The following B4GALNT2 variants were observed in gnomAD, a reference collection of about 807,000 sequenced individuals.
The protein encoded by B4GALNT2 is beta-1,4-N-acetyl-galactosaminyltransferase 2 (SID blood group).
A neutral mutation model predicts 51.1 loss-of-function variants in B4GALNT2; 42 were observed. The ratio of observed to expected loss-of-function variants is 0.82; its 90% CI spans 0.64 to 1.06. The LOEUF is 1.06. Ranked by LOEUF, B4GALNT2 falls within the 50% of genes least tolerant of loss-of-function variation. The probability of loss-of-function intolerance (pLI) is 0.00; values close to 1 mark genes in which losing one functional copy is unlikely to be tolerated. For missense variants in B4GALNT2, 602 were observed against 633.6 expected (o/e 0.95, Z 0.54); for synonymous variants, 253 against 251.7 (o/e 1.01, Z -0.05).
In B4GALNT2 at chr17:49,145,995, G is replaced by A. The variant is rs376515559; in HGVS notation, c.353+3823G>A. Among the ~76,000 whole-genome samples the A allele has an allele frequency of 2.9e-3, 441 of 152,184 alleles. 4 individuals are homozygous for A. Among genetic ancestry groups the A allele is most frequent in the African/African-American group, 9.8e-3 (408 of 41,524 alleles). ...CTAGGCCAGCAGAACATAATGTTGC[G>A]GGAACAGGAAGCAAAAATTTTGCTA... On this transcript the variant is annotated intron_variant, in intron 3 of 10. Transcript: ENST00000393354.
chr17:49,146,702 T>C (rs1389404305), intron 3 of B4GALNT2, among the ~76,000 whole-genome samples: 1 of 152,208 alleles, frequency 6.6e-6, no homozygotes, highest in Non-Finnish European at 1.5e-5. Flanking sequence ...TCCTGTCTGA[T>C]TGAGGGCTCC....
chr17:49,127,019 T>C, the B4GALNT2 span, among the ~76,000 whole-genome samples: 7 of 152,200 alleles, frequency 4.6e-5, no homozygotes, highest in South Asian at 2.1e-4. Context: ...TGTACCTTTC[T>C]TGCATAAATT....
chr17:49,135,686 C>T (rs1000367171), intron 1 of B4GALNT2, among the ~76,000 whole-genome samples: 2 of 152,134 alleles, frequency 1.3e-5, no homozygotes, highest in African/African-American at 4.8e-5. Flanking sequence ...GTCCCAGCTA[C>T]TCAGAAAGCT....
chr17:49,133,193 T>G (rs2042556845), intron 1 of B4GALNT2: 2 of 1,504,256 alleles, frequency 1.3e-6, no homozygotes, highest in Non-Finnish European at 1.8e-6. Flanking sequence ...GCCCGTTTGC[T>G]GCCCACGGGA....
rs931496464 is a variant in B4GALNT2, at chr17:49,176,455, G to C, written c.*6727G>C. 4 of 149,268 alleles carry C rather than the reference G, an allele frequency of 2.7e-5. No homozygotes were observed. The highest frequency in any genetic ancestry group is 5.9e-5 in the Non-Finnish European group (4 of 67,586). The allele number at this position is 149,268 out of a possible 1,614,324, so 9.2% of individuals were successfully genotyped here. Reference sequence around the variant, plus strand: ...GGGATGGACTGAAACAAAGGGATGGGCTCTGGCTAGTTATCTGCCACGTCC... The same window carrying C: ...GGGATGGACTGAAACAAAGGGATGGCCTCTGGCTAGTTATCTGCCACGTCC... On this transcript the variant is annotated 3_prime_UTR_variant, in exon 11 of 11. Transcript: ENST00000393354.
chr17:49,161,248 C>T (rs955769207), intron 7 of B4GALNT2, among the ~76,000 whole-genome samples: 1 of 146,038 alleles, frequency 6.8e-6, no homozygotes, highest in Non-Finnish European at 1.5e-5. Context: ...GCACTCCAGC[C>T]TGGGCAACAG....
intron 5 of B4GALNT2, among the ~76,000 whole-genome samples, 176 bp from the exon 6 acceptor site, chr17:49,158,861 G>C (rs546090350): frequency 2.6e-5 from 4 of 152,242 alleles, no homozygotes; most frequent in African/African-American, 9.6e-5. Context: ...GGGGGCGGGG[G>C]CGCTAGCACA....
In B4GALNT2 at chr17:49,166,140, C is replaced by T; in HGVS notation, c.981C>T (p.Ala327=). 1 of 1,613,994 alleles carries T rather than the reference C, an allele frequency of 6.2e-7. No individual in the cohort carries two copies. The highest frequency in any genetic ancestry group is 1.1e-5 in the South Asian group (1 of 91,056). ...GKGWFAGRNL[A]ISQVTTKYVL... ...GTTGGTTTGCTGGTAGGAACCTGGC[C>T]ATATCTCAGGTCACCACCAAATACG... Residue 327 remains alanine (A), a synonymous_variant, in exon 9 of 11, where the codon GCC becomes GCT. Coordinates refer to ENST00000393354, the MANE Select transcript of B4GALNT2 (RefSeq NM_001159387.2).
chr17:49,123,442 T>A, the B4GALNT2 span, among the ~76,000 whole-genome samples: 1 of 152,230 alleles, frequency 6.6e-6, no homozygotes, highest in African/African-American at 2.4e-5. Context: ...TTGGCAACAC[T>A]AGAATTTAAT....
chr17:49,123,281 G>A, the B4GALNT2 span, among the ~76,000 whole-genome samples: 2,281 of 152,312 alleles, frequency 0.015, 84 homozygotes, highest in East Asian at 0.13. Flanking sequence ...ATTTCCTCCT[G>A]TCATGGTTGG....
upstream of B4GALNT2, chr17:49,132,710 G>C: frequency 7.4e-7 from 1 of 1,355,288 alleles, no homozygotes; most frequent in Non-Finnish European, 9.5e-7. Flanking sequence ...GAATTTGCCC[G>C]GGTCGGTGCC....
intron 3 of B4GALNT2, among the ~76,000 whole-genome samples, chr17:49,150,295 T>G (rs1598205916): frequency 5.9e-5 from 1 of 17,072 alleles, no homozygotes. Context: ...GGGAGGGAGG[T>G]GGGGGGGGTC....
At position 49,171,849 on chromosome 17, in the gene B4GALNT2, C is replaced by T; in HGVS notation, c.*2121C>T. 1 of 343,768 alleles carries T rather than the reference C, an allele frequency of 2.9e-6. No homozygotes were observed. The highest frequency in any genetic ancestry group is 4.3e-5 in the Admixed American group (1 of 23,224). The allele number at this position is 343,768 out of a possible 1,614,324, so 21.3% of individuals were successfully genotyped here. A position where few individuals can be genotyped will look rare whatever the true frequency, so the allele number is the denominator to read the frequency against. On this transcript the variant is annotated 3_prime_UTR_variant, in exon 11 of 11. Transcript: ENST00000393354. ...TTCTGGCCAGGTCTAATTCTATTTA[C>T]AAATAGGTTTTGAGCTGCCTTTGCT...
Position 49,168,873 on chromosome 17 carries a change from C to A in B4GALNT2, c.1288C>A (p.Pro430Thr), listed in dbSNP as rs1308537529. The change falls in exon 10 of 11, where the codon CCC becomes ACC. Residue 430 changes from proline to threonine, a missense_variant. Coordinates refer to ENST00000393354, the MANE Select transcript of B4GALNT2 (RefSeq NM_001159387.2). The part of the protein sequence containing the change: ...TERLQRVGFD[P>T]RLQRVAHSEF... ...GCGACTCCAAAGAGTTGGCTTTGATCCCCGCCTGCAACGAGTGGCTCACTC... is the reference window on the plus strand; with the variant it reads ...GCGACTCCAAAGAGTTGGCTTTGATACCCGCCTGCAACGAGTGGCTCACTC... 6.2e-6 allele frequency: 10 copies of A among 1,612,642 alleles called. No individual in the cohort carries two copies. The highest frequency in any genetic ancestry group is 8.5e-6 in the Non-Finnish European group (10 of 1,179,966).
intron 7 of B4GALNT2, among the ~76,000 whole-genome samples, chr17:49,163,162 G>C (rs1317212297): frequency 1.3e-5 from 2 of 152,132 alleles, no homozygotes; most frequent in African/African-American, 2.4e-5. Context: ...CACATCTGCA[G>C]CTCCAGTTGT....
rs534545863 is a variant in B4GALNT2, at chr17:49,166,322, G to A, written c.1095+68G>A. The stretch of plus-strand genomic sequence containing the variant: ...GATGGAGAAGAGGGGAGAAGAGAGC[G>A]GGAAGAAATATATAAGAGAAGAGGA... On this transcript the variant is annotated intron_variant, in intron 9 of 10. Coordinates refer to ENST00000393354, the MANE Select transcript of B4GALNT2 (RefSeq NM_001159387.2). 1.3e-4 allele frequency: 127 copies of A among 1,007,624 alleles called. No individual in the cohort carries two copies. The East Asian group carries it at 5.4e-3, about 43-fold the overall frequency. 62.4% of individuals were successfully genotyped at this position (1,007,624 alleles called of 1,614,324 possible). A position where few individuals can be genotyped will look rare whatever the true frequency, so the allele number is the denominator to read the frequency against.
intron 3 of B4GALNT2, among the ~76,000 whole-genome samples, chr17:49,147,476 G>T: frequency 6.6e-6 from 1 of 151,414 alleles, no homozygotes; most frequent in East Asian, 1.9e-4. Flanking sequence ...CTGGGCTCAA[G>T]GGATCCTCCC....
Position 49,168,687 on chromosome 17 carries a change from G to T in B4GALNT2, c.1102G>T (p.Gly368Cys). 6.2e-7 allele frequency: 1 copy of T among 1,613,250 alleles called. No individual in the cohort carries two copies. The highest frequency in any genetic ancestry group is 1.1e-5 in the South Asian group (1 of 90,788). ...LEKTELDVVG[G>C]SVLGNVFQFK... is the part of the protein sequence containing the mutation. ...TTCTCTGCCTGCTGGCTAGGTAGGC[G>T]GCAGTGTGCTGGGAAATGTGTTCCA... Residue 368 changes from glycine to cysteine, a missense_variant, in exon 10 of 11, where the codon GGC (glycine) becomes TGC (cysteine). Physicochemically the swap from Gly to Cys is radical, Grantham distance 159 (BLOSUM62 -3). Coordinates refer to ENST00000393354, the MANE Select transcript of B4GALNT2 (RefSeq NM_001159387.2).
In B4GALNT2 at chr17:49,156,551, C is replaced by T. The variant is rs756927926; in HGVS notation, c.461-15C>T. On this transcript the variant is annotated splice_polypyrimidine_tract_variant and intron_variant, in intron 4 of 10. Transcript: ENST00000393354. Reference sequence around the variant, plus strand: ...TTCATGAGCAGTTTTCTTTCCTTTTCCCTGTGTCCTCCAGGCCTCCAGTTT... The same window carrying T: ...TTCATGAGCAGTTTTCTTTCCTTTTTCCTGTGTCCTCCAGGCCTCCAGTTT... The T allele has an allele frequency of 1.2e-6, 2 of 1,613,704 alleles. No individual in the cohort carries two copies. Among genetic ancestry groups the T allele is most frequent in the African/African-American group, 2.7e-5 (2 of 75,026 alleles).
Sources: gnomAD v4.1 joint callset for allele counts (sites outside exome capture counted in the v4.1 genomes callset) on GRCh38, gnomAD v4.1.1 for gene constraint, MANE v1.5 for transcripts, NCBI Gene and HGNC (gene_info 2026-07-23, HGNC 2026-07-21) for gene names.